ARHGEF3: variants seen among roughly 807,000 people sequenced by gnomAD.
ARHGEF3 encodes the protein Rho guanine nucleotide exchange factor 3.
A neutral mutation model predicts 63.2 loss-of-function variants in ARHGEF3; 28 were observed. The ratio of observed to expected loss-of-function variants is 0.44; its 90% CI spans 0.33 to 0.61. ARHGEF3 has a LOEUF of 0.61. Among genes scored for constraint, ARHGEF3 ranks in the 20% least tolerant of loss-of-function variants. The probability of loss-of-function intolerance (pLI) is 0.03; values close to 1 mark genes in which losing one functional copy is unlikely to be tolerated. For synonymous variants in ARHGEF3, 266 were observed against 254.2 expected (o/e 1.05, Z -0.44); for missense variants, 533 against 659.3 (o/e 0.81, Z 2.10).
At chr3:56,736,108 T>C (rs998037510) in intron 8 of ARHGEF3, among the ~76,000 whole-genome samples, 2 of 151,326 alleles carry the variant, frequency 1.3e-5, no homozygotes, top group African/African-American at 4.9e-5. Flanking sequence ...TGGCTATACA[T>C]ACAAATAGCT....
At chr3:56,845,147 C>T (rs1049820221) in intron 4 of ARHGEF3, among the ~76,000 whole-genome samples, 3 of 152,306 alleles carry the variant, frequency 2.0e-5, no homozygotes, top group East Asian at 1.9e-4. Flanking sequence ...ATGCTGCCAA[C>T]AGTCATGTAA....
rs1324032005 is a variant in ARHGEF3, at chr3:56,879,096, C to T, written c.192+3196G>A. On this transcript the variant is annotated intron_variant, in intron 4 of 12. Transcript: ENST00000338458. The stretch of plus-strand genomic sequence containing the variant: ...GTTGCAGGAAGGCAAGCTCAGGACT[C>T]CCACTGATTCTACATTATCATGAGT... Among the ~76,000 whole-genome samples the T allele has an allele frequency of 2.0e-5, 3 of 152,172 alleles. 1 individual carries two copies. Among genetic ancestry groups the T allele is most frequent in the Admixed American group, 2.0e-4 (3 of 15,280 alleles).
chr3:56,841,078 GC>G (rs2039293680), intron 4 of ARHGEF3, among the ~76,000 whole-genome samples: 1 of 152,106 alleles, frequency 6.6e-6, no homozygotes, highest in African/African-American at 2.4e-5. Context: ...CCTTCTCTTT[GC>G]CCCCAGTAGA....
intron 3 of ARHGEF3, among the ~76,000 whole-genome samples, chr3:56,956,298 T>C (rs2106726322): frequency 6.6e-6 from 1 of 151,878 alleles, no homozygotes; most frequent in East Asian, 1.9e-4. Context: ...TGAGACAGAG[T>C]CTTGCTGTGT....
chr3:56,988,893 C>T (rs979474779), intron 2 of ARHGEF3, among the ~76,000 whole-genome samples: 11 of 152,150 alleles, frequency 7.2e-5, no homozygotes, highest in African/African-American at 2.4e-4. Flanking sequence ...GACTTTGATG[C>T]CCAGACAACA....
At chr3:56,979,271 A>G (rs2106891998) in intron 2 of ARHGEF3, among the ~76,000 whole-genome samples, 1 of 152,358 alleles carries the variant, frequency 6.6e-6, no homozygotes, top group Non-Finnish European at 1.5e-5. Context: ...CTTTAATTGC[A>G]TGCTTTCATT....
chr3:56,912,642 G>A (rs1342345364), intron 3 of ARHGEF3, among the ~76,000 whole-genome samples: 1 of 152,188 alleles, frequency 6.6e-6, no homozygotes, highest in Non-Finnish European at 1.5e-5. Flanking sequence ...GTTTAGATAA[G>A]CATCTAATAA....
At chr3:56,767,583 CAAAAAAAA>C (rs541314948) in intron 2 of ARHGEF3, among the ~76,000 whole-genome samples, 68 of 77,412 alleles carry the variant, frequency 8.8e-4, no homozygotes, top group East Asian at 1.7e-3. Context: ...GACTCCGTCT[CAAAAAAAA>C]AAAAAAAAAA....
At chr3:56,862,617 GCTGA>G (rs2040115151) in intron 4 of ARHGEF3, among the ~76,000 whole-genome samples, 1 of 152,176 alleles carries the variant, frequency 6.6e-6, no homozygotes, top group South Asian at 2.1e-4. Flanking sequence ...GCTGCAGGCG[GCTGA>G]CTGAGACTGA....
chr3:57,073,677 G>A, intron 1 of ARHGEF3: 1 of 1,599,712 alleles, frequency 6.3e-7, no homozygotes, highest in Non-Finnish European at 8.5e-7. Flanking sequence ...GGAGAATTCT[G>A]TTTTTGACTT....
chr3:56,892,459 T>C (rs1451544566), intron 3 of ARHGEF3, among the ~76,000 whole-genome samples: 2 of 152,242 alleles, frequency 1.3e-5, no homozygotes, highest in Non-Finnish European at 1.5e-5. Flanking sequence ...GTTCATAATA[T>C]GCTATGGTGC....
At chr3:56,735,774 A>C (rs1211061440) in intron 8 of ARHGEF3, among the ~76,000 whole-genome samples, 1 of 152,168 alleles carries the variant, frequency 6.6e-6, no homozygotes, top group Non-Finnish European at 1.5e-5. Context: ...CAAGCAACAG[A>C]CTTGACAGGT....
intron 3 of ARHGEF3, among the ~76,000 whole-genome samples, chr3:56,887,895 A>T (rs2040976885): frequency 6.6e-6 from 1 of 152,220 alleles, no homozygotes; most frequent in Non-Finnish European, 1.5e-5. Context: ...TAAATGGGTG[A>T]CTAAAAGAAA....
At position 56,896,018 on chromosome 3, in the gene ARHGEF3, C is replaced by T. The variant is rs114199776; in HGVS notation, c.130-13664G>A. ...GGGCTGGCAGATCCTGCAGAGCTGGCGGCAGCACGAATGGCCTGATGCCCT... is the reference window on the plus strand; with the variant it reads ...GGGCTGGCAGATCCTGCAGAGCTGGTGGCAGCACGAATGGCCTGATGCCCT... On this transcript the variant is annotated intron_variant, in intron 3 of 12. Transcript: ENST00000338458. 3.2e-3 allele frequency among the ~76,000 whole-genome samples: 489 copies of T among 152,220 alleles called. 3 individuals carry two copies. Among genetic ancestry groups the T allele is most frequent in the African/African-American group, 0.011 (471 of 41,510 alleles).
chr3:56,898,936 C>T, intron 3 of ARHGEF3, among the ~76,000 whole-genome samples: 1 of 152,182 alleles, frequency 6.6e-6, no homozygotes, highest in East Asian at 1.9e-4. Context: ...CGCCTGTAGT[C>T]CCAGCTACTC....
At chr3:56,937,190 T>C (rs1215583079) in intron 3 of ARHGEF3, among the ~76,000 whole-genome samples, 2 of 152,182 alleles carry the variant, frequency 1.3e-5, no homozygotes, top group African/African-American at 2.4e-5. Context: ...CTTGAATGAT[T>C]TGGGGGAAAC....
At chr3:56,806,382 GT>G (rs1250157286), upstream of ARHGEF3, among the ~76,000 whole-genome samples, 1 of 152,236 alleles carries the variant, frequency 6.6e-6, no homozygotes, top group Non-Finnish European at 1.5e-5. Flanking sequence ...CATTCTGCCT[GT>G]GTGTGTGTTT....
chr3:56,732,518 A>C lies in ARHGEF3; in HGVS notation c.1042-94T>G, dbSNP rs907634662. ...GTGGATAAAGAGGTCCCCAGGTACC[A>C]GGTTCACACTGGATTATGAACTCCT... On this transcript the variant is annotated intron_variant, in intron 8 of 9. Transcript: ENST00000296315. 3.5e-6 allele frequency: 5 copies of C among 1,409,018 alleles called. No individual in the cohort carries two copies. In the East Asian group the frequency reaches 9.2e-5, roughly 26 times the overall value. 87.3% of individuals were successfully genotyped at this position (1,409,018 alleles called of 1,614,324 possible).
intron 4 of ARHGEF3, among the ~76,000 whole-genome samples, chr3:56,825,740 G>A (rs2038691401): frequency 6.6e-6 from 1 of 152,164 alleles, no homozygotes; most frequent in Admixed American, 6.5e-5. Context: ...AATTATTTAA[G>A]AGCTTCAAGA....
Sources: gnomAD v4.1 joint callset for allele counts (sites outside exome capture counted in the v4.1 genomes callset) on GRCh38, gnomAD v4.1.1 for gene constraint, MANE v1.5 for transcripts, NCBI Gene and HGNC (gene_info 2026-07-23, HGNC 2026-07-21) for gene names.